ST7L: variants seen among roughly 807,000 people sequenced by gnomAD.
The protein encoded by ST7L is suppression of tumorigenicity 7 like.
Under a neutral mutation model 72.5 loss-of-function variants are expected in ST7L, and 57 were observed. That is an observed-to-expected ratio of 0.79 (90% CI 0.64 to 0.98). The LOEUF (loss-of-function observed/expected upper bound fraction) is 0.98, where lower values mean the gene tolerates loss of function less well. ST7L is among the 50% of genes least tolerant of loss of function. The pLI, the probability that ST7L is intolerant of heterozygous loss-of-function variation, is 0.00. For missense variants in ST7L, 576 were observed against 672.2 expected, an observed-to-expected ratio of 0.86 and a Z score of 1.58; for synonymous variants, 221 against 240.9, an observed-to-expected ratio of 0.92 and a Z score of 0.77.
At chr1:112,527,031 C>T (rs894015436) in intron 14 of ST7L, 1 of 152,200 alleles carries the variant, frequency 6.6e-6, no homozygotes, top group African/African-American at 2.4e-5. Context: ...TGCTCTCAAC[C>T]CCTCTTTGTT....
chr1:112,583,835 T>C (rs1405440696), intron 7 of ST7L, 137 bp downstream of exon 7: 5 of 958,516 alleles, frequency 5.2e-6, no homozygotes, highest in South Asian at 1.7e-5. Flanking sequence ...CTTGTAGGTA[T>C]TGTGAATAGA....
intron 14 of ST7L, chr1:112,540,716 A>G: frequency 8.2e-7 from 1 of 1,214,812 alleles, no homozygotes; most frequent in Non-Finnish European, 1.0e-6. Context: ...AGGCAGAAAA[A>G]GAAACTGTGA....
At chr1:112,596,842 G>C (rs946620772) in intron 5 of ST7L, among the ~76,000 whole-genome samples, 1 of 152,072 alleles carries the variant, frequency 6.6e-6, no homozygotes, top group Non-Finnish European at 1.5e-5. Context: ...TTACCATGTT[G>C]ACCAGGCTGG....
chr1:112,525,807 T>G lies in ST7L; in HGVS notation c.*206A>C. The stretch of plus-strand genomic sequence containing the variant: ...GAATGAAGAAAAAAGGAAGACAATT[T>G]CATCTACAGTTGTCCTTTTTGACAG... On this transcript the variant is annotated 3_prime_UTR_variant, in exon 15 of 15. Coordinates refer to ENST00000358039, the MANE Select transcript of ST7L (RefSeq NM_017744.5). 1.7e-6 allele frequency: 1 copy of G among 572,592 alleles called. No individual in the cohort carries two copies. The highest frequency in any genetic ancestry group is 3.2e-5 in the East Asian group (1 of 31,418). The allele number at this position is 572,592 out of a possible 1,614,324, so 35.5% of individuals were successfully genotyped here. A position where few individuals can be genotyped will look rare whatever the true frequency, so the allele number is the denominator to read the frequency against.
chr1:112,602,504 A>G (rs1570586195), intron 3 of ST7L, among the ~76,000 whole-genome samples: 1 of 152,218 alleles, frequency 6.6e-6, no homozygotes, highest in East Asian at 1.9e-4. Flanking sequence ...AAACTGTACT[A>G]GAAGTCATTG....
rs1655162142 is a variant in ST7L at position 112,536,072 on chromosome 1, C to G, written c.1629+5879G>C. The stretch of plus-strand genomic sequence containing the variant: ...AGGTTTATTTTATTATCTGTATTAT[C>G]TCTGGGAAACAACTCAGATTTATAA... On this transcript the variant is annotated intron_variant, in intron 14 of 14. Transcript: ENST00000358039. Among the ~76,000 whole-genome samples, 5 of 152,212 alleles carry G rather than the reference C, an allele frequency of 3.3e-5. No individual in the cohort carries two copies. In the South Asian group the frequency reaches 1.0e-3, roughly 32 times the overall value.
intron 12 of ST7L, among the ~76,000 whole-genome samples, chr1:112,553,894 G>A (rs1269846113): frequency 6.6e-6 from 1 of 152,132 alleles, no homozygotes; most frequent in Non-Finnish European, 1.5e-5. Flanking sequence ...TTTGAGACAA[G>A]GTCTTACTCT....
chr1:112,615,321 G>A (rs780435825), intron 2 of ST7L, among the ~76,000 whole-genome samples: 3 of 152,056 alleles, frequency 2.0e-5, no homozygotes, highest in Non-Finnish European at 4.4e-5. Context: ...TCAGAATAAT[G>A]GCCAAAATTC....
intron 12 of ST7L, among the ~76,000 whole-genome samples, chr1:112,551,736 T>C (rs1408101338): frequency 3.3e-5 from 5 of 152,228 alleles, no homozygotes; most frequent in Non-Finnish European, 7.3e-5. Context: ...AAATCTTTAT[T>C]GATCTATTCC....
At chr1:112,613,792 A>C (rs1042659556) in intron 2 of ST7L, among the ~76,000 whole-genome samples, 1 of 152,092 alleles carries the variant, frequency 6.6e-6, no homozygotes, top group Non-Finnish European at 1.5e-5. Flanking sequence ...CAGTAGCATG[A>C]TCACAGCTCA....
chr1:112,574,738 TAAG>T (rs1184475725), intron 11 of ST7L, among the ~76,000 whole-genome samples: 1 of 151,756 alleles, frequency 6.6e-6, no homozygotes, highest in Non-Finnish European at 1.5e-5. Context: ...AATTAATAAA[TAAG>T]AATACAAATG....
chr1:112,591,589 A>G lies in ST7L; in HGVS notation c.637T>C (p.Trp213Arg), dbSNP rs371440073. The stretch of plus-strand genomic sequence containing the variant: ...CGAGCTGGAGGATTTCTTTCCCTCC[A>G]AGCCTTCTGCATAACTGTAGAAAAA... Reference protein sequence around the residue: ...RPSDTVMQKAWRERNPPARIK... With the variant: ...RPSDTVMQKARRERNPPARIK... Residue 213 changes from tryptophan to arginine, a missense_variant, in exon 6 of 15, where the codon TGG (tryptophan) becomes CGG (arginine). Around this residue, in one of 3 missense-constraint regions of ST7L, gnomAD observed 511 missense variants for 600.7 expected, o/e 0.85. Coordinates refer to ENST00000358039, the MANE Select transcript of ST7L (RefSeq NM_017744.5). The G allele has an allele frequency of 3.1e-5, 50 of 1,611,136 alleles. No homozygotes were observed. Among genetic ancestry groups the G allele is most frequent in the Non-Finnish European group, 3.9e-5 (46 of 1,179,410 alleles).
Position 112,616,891 on chromosome 1 carries a change from AGTCACT to A in ST7L, c.206-2_209del. 2.5e-6 allele frequency: 4 copies of A among 1,598,966 alleles called. No homozygotes were observed. Among genetic ancestry groups the A allele is most frequent in the Non-Finnish European group, 3.4e-6 (4 of 1,174,638 alleles). ...TGGGTGTCAATGAATTTAAAAATACAGTCACTGTCAAAAGAACAAGAATCAAAGTTT... is the reference window on the plus strand; with the variant it reads ...TGGGTGTCAATGAATTTAAAAATACAGTCAAAAGAACAAGAATCAAAGTTT... On this transcript the variant is annotated splice_acceptor_variant and coding_sequence_variant, in exon 2 of 15. Transcript: ENST00000358039. LOFTEE classifies it high-confidence loss of function.
chr1:112,554,288 G>T (rs1658732403), intron 12 of ST7L, among the ~76,000 whole-genome samples: 1 of 151,570 alleles, frequency 6.6e-6, no homozygotes, highest in Middle Eastern at 3.2e-3. Flanking sequence ...AAAGAGATCG[G>T]GTAGTTAGTT....
intron 11 of ST7L, among the ~76,000 whole-genome samples, chr1:112,571,085 G>A (rs961856110): frequency 2.6e-5 from 4 of 152,092 alleles, no homozygotes; most frequent in Non-Finnish European, 4.4e-5. Flanking sequence ...CAGGAGAATC[G>A]CTTGAACCCG....
intron 13 of ST7L, among the ~76,000 whole-genome samples, chr1:112,547,512 T>A (rs185678595): frequency 6.7e-6 from 1 of 150,188 alleles, no homozygotes; most frequent in Non-Finnish European, 1.5e-5. Context: ...TTTCTTATAA[T>A]GTATTCCATA....
chr1:112,601,324 C>A (rs957078305), intron 3 of ST7L, among the ~76,000 whole-genome samples: 3 of 152,104 alleles, frequency 2.0e-5, no homozygotes, highest in Non-Finnish European at 4.4e-5. Context: ...CAGCTCACTG[C>A]AAGCTCCATC....
At chr1:112,539,964 A>G in intron 14 of ST7L, 1 of 985,410 alleles carries the variant, frequency 1.0e-6, no homozygotes, top group Non-Finnish European at 1.2e-6. Flanking sequence ...CAGTATATCA[A>G]TAACTTTTGG....
chr1:112,618,406 C>T (rs1670283148), intron 1 of ST7L: 1 of 274,004 alleles, frequency 3.6e-6, no homozygotes, highest in Non-Finnish European at 5.4e-6. Context: ...AAAACGATTT[C>T]TTAACAGAAC....
Sources: gnomAD v4.1 joint callset for allele counts (sites outside exome capture counted in the v4.1 genomes callset) on GRCh38, gnomAD v4.1.1 for gene constraint, gnomAD v4.1.1 regional missense constraint, MANE v1.5 for transcripts, NCBI Gene and HGNC (gene_info 2026-07-23, HGNC 2026-07-21) for gene names.